TMEM64: variants seen among roughly 807,000 people sequenced by gnomAD.
The protein encoded by TMEM64 is transmembrane protein 64.
TMEM64 carries 19 observed loss-of-function variants against 24.5 expected under a neutral mutation model. The ratio of observed to expected loss-of-function variants is 0.78; its 90% CI spans 0.54 to 1.14. TMEM64 has a LOEUF of 1.14. Among genes scored for constraint, TMEM64 ranks in the 50% most tolerant of loss-of-function variants. TMEM64 has a pLI of 0.00. For synonymous variants in TMEM64, 262 were observed against 224.7 expected, an observed-to-expected ratio of 1.17 and a Z score of -1.49; for missense variants, 487 against 493.0, an observed-to-expected ratio of 0.99 and a Z score of 0.12.
At chr8:90,640,703 A>G (rs1238667842) in intron 1 of TMEM64, among the ~76,000 whole-genome samples, 1 of 152,242 alleles carries the variant, frequency 6.6e-6, no homozygotes. Flanking sequence ...AAAGTAATTT[A>G]TCTTCTTGAT....
intron 2 of TMEM64, among the ~76,000 whole-genome samples, chr8:90,626,621 T>TTTC (rs1358235123): frequency 7.4e-6 from 1 of 134,588 alleles, no homozygotes; most frequent in Admixed American, 7.8e-5. Flanking sequence ...TGTACTTTTT[T>TTTC]TTTCTTTCTT....
intron 1 of TMEM64, among the ~76,000 whole-genome samples, chr8:90,635,420 C>T (rs1809504385): frequency 7.0e-6 from 1 of 143,194 alleles, no homozygotes; most frequent in Admixed American, 6.7e-5. Flanking sequence ...TTGAGACGGA[C>T]TCTTCGCTGT....
intron 1 of TMEM64, among the ~76,000 whole-genome samples, chr8:90,643,443 T>C (rs1470419897): frequency 6.6e-6 from 1 of 152,206 alleles, no homozygotes; most frequent in African/African-American, 2.4e-5. Context: ...CACTAGATTC[T>C]AAGCAGACAG....
Position 90,645,756 on chromosome 8 carries a change from GC to G in TMEM64, c.149del (p.Gly50AlafsTer57). On this transcript the variant is annotated frameshift_variant, in exon 1 of 3. Transcript: ENST00000458549. LOFTEE classifies it high-confidence loss of function. This position sits in a 1 kb window ranked among gnomAD's most constrained non-coding sequence, Gnocchi z 4.2. ...CTGCTGCCGCCGCCGCGCTCGCCCC[GC>G]CCCCGCGGGGAAGGCGGTCCGCCGG... is the stretch of plus-strand genomic sequence containing the variant. ...DGPADRLPRG[G>X]GASAAAAAAA... The G allele has an allele frequency of 9.4e-7, 1 of 1,065,984 alleles. No homozygotes were observed. The highest frequency in any genetic ancestry group is 1.1e-6 in the Non-Finnish European group (1 of 884,508). The allele number at this position is 1,065,984 out of a possible 1,614,324, so 66.0% of individuals were successfully genotyped here.
chr8:90,641,492 C>T lies in TMEM64; in HGVS notation c.795+3619G>A, dbSNP rs76458396. Among the ~76,000 whole-genome samples, 1,082 of 152,276 alleles carry T rather than the reference C, an allele frequency of 7.1e-3. 8 individuals carry two copies. Among genetic ancestry groups the T allele is most frequent in the Non-Finnish European group, 0.012 (836 of 68,020 alleles). ...GATACCTAAGTCAACTGTATAGAAC[C>T]TTACCCAGTCCTCCATAATGTCTGA... On this transcript the variant is annotated intron_variant, in intron 1 of 2. Transcript: ENST00000458549.
intron 1 of TMEM64, among the ~76,000 whole-genome samples, chr8:90,641,719 A>G (rs1809607146): frequency 1.3e-5 from 2 of 152,370 alleles, no homozygotes; most frequent in African/African-American, 2.4e-5. Context: ...TGAAATGAAC[A>G]GTAAATAAGT....
intron 1 of TMEM64, among the ~76,000 whole-genome samples, chr8:90,638,460 C>T (rs375343335): frequency 2.3e-4 from 35 of 152,278 alleles, no homozygotes; most frequent in South Asian, 4.1e-4. Context: ...TTGTTAAGTG[C>T]TTTCAAGTGC....
chr8:90,645,631 G>A lies in TMEM64; in HGVS notation c.275C>T (p.Pro92Leu). 2 of 1,534,154 alleles carry A rather than the reference G, an allele frequency of 1.3e-6. No homozygotes were observed. Among genetic ancestry groups the A allele is most frequent in the East Asian group, 2.5e-5 (1 of 40,788 alleles). Residue 92 changes from proline (P) to leucine (L), a missense_variant, in exon 1 of 3, where the codon CCC (proline) becomes CTC (leucine). By Grantham distance (98) the Pro-to-Leu change is moderately conservative (BLOSUM62 -3). Around this residue, in one of 3 missense-constraint regions of TMEM64, gnomAD observed 419 missense variants for 407.5 expected, o/e 1.03. Transcript: ENST00000458549. This position sits in a 1 kb window ranked among gnomAD's most constrained non-coding sequence, Gnocchi z 4.2. The part of the protein sequence containing the change: ...PEPGGALAGG[P>L]GSGGGGVVVG... The stretch of plus-strand genomic sequence containing the variant: ...CACCACGCCGCCGCCGCCACTCCCG[G>A]GGCCGCCCGCCAAGGCCCCGCCCGG...
At chr8:90,640,715 G>A (rs1809591481) in intron 1 of TMEM64, among the ~76,000 whole-genome samples, 1 of 152,148 alleles carries the variant, frequency 6.6e-6, no homozygotes, top group South Asian at 2.1e-4. Flanking sequence ...CTTCTTGATA[G>A]CTCAATGCAA....
At chr8:90,643,168 A>G (rs572189819) in intron 1 of TMEM64, among the ~76,000 whole-genome samples, 1 of 152,346 alleles carries the variant, frequency 6.6e-6, no homozygotes, top group East Asian at 1.9e-4. Flanking sequence ...ATATATATTC[A>G]AGAAATAAAG....
chr8:90,645,112 GA>G lies in TMEM64; in HGVS notation c.793del (p.Ser265ArgfsTer11). The G allele has an allele frequency of 6.2e-7, 1 of 1,601,384 alleles. No individual in the cohort carries two copies. The highest frequency in any genetic ancestry group is 8.5e-7 in the Non-Finnish European group (1 of 1,170,528). On this transcript the variant is annotated frameshift_variant and splice_region_variant, in exon 1 of 3. Transcript: ENST00000458549. LOFTEE classifies it high-confidence loss of function. The surrounding 1 kb of genome is among the most constrained non-coding windows in gnomAD (Gnocchi z 4.2). ...ATAGGCCAGCGGGACCCCACTTACC[GA>G]AAACACTGCATTCTGAAGCCCAAAA... is the stretch of plus-strand genomic sequence containing the variant. The part of the protein sequence containing the change: ...IPFGLQNAVF[S>X]ITDLSLPNYL...
chr8:90,645,769 A>AGGCGGTCCGCCG lies in TMEM64; in HGVS notation c.125_136dup (p.Pro42_Arg45dup). The AGGCGGTCCGCCG allele has an allele frequency of 9.7e-7, 1 of 1,032,630 alleles. No homozygotes were observed. The highest frequency in any genetic ancestry group is 1.2e-6 in the Non-Finnish European group (1 of 863,032). 64.0% of individuals were successfully genotyped at this position (1,032,630 alleles called of 1,614,324 possible). On this transcript the variant is annotated inframe_insertion, in exon 1 of 3. Coordinates refer to ENST00000458549, the MANE Select transcript of TMEM64 (RefSeq NM_001008495.4). This position sits in a 1 kb window ranked among gnomAD's most constrained non-coding sequence, Gnocchi z 4.2. ...CGCGCTCGCCCCGCCCCCGCGGGGA[A>AGGCGGTCCGCCG]GGCGGTCCGCCGGGCCGTCCCCGCC...
rs1339989226 is a variant in TMEM64, at chr8:90,645,678, G to C, written c.228C>G (p.Pro76=). ...CCGGCTCCGGCAGCTCCGAAGCCTCGGGCGGACCGTGGCGCTCCAGATAGG... is the reference window on the plus strand; with the variant it reads ...CCGGCTCCGGCAGCTCCGAAGCCTCCGGCGGACCGTGGCGCTCCAGATAGG... ...LGAYLERHGP[P]EASELPEPGG... is the part of the protein sequence containing the mutation. Residue 76 remains proline, a synonymous_variant, in exon 1 of 3, where the codon CCC becomes CCG. Transcript: ENST00000458549. This position sits in a 1 kb window ranked among gnomAD's most constrained non-coding sequence, Gnocchi z 4.2. 5 of 1,495,556 alleles carry C rather than the reference G, an allele frequency of 3.3e-6. No individual in the cohort carries two copies. Among genetic ancestry groups the C allele is most frequent in the Admixed American group, 2.3e-5 (1 of 44,420 alleles). 92.6% of individuals were successfully genotyped at this position (1,495,556 alleles called of 1,614,324 possible). A position where few individuals can be genotyped will look rare whatever the true frequency, so the allele number is the denominator to read the frequency against.
Position 90,625,739 on chromosome 8 carries a change from T to C in TMEM64, c.1075A>G (p.Thr359Ala). 1 of 1,613,952 alleles carries C rather than the reference T, an allele frequency of 6.2e-7. No homozygotes were observed. The highest frequency in any genetic ancestry group is 8.5e-7 in the Non-Finnish European group (1 of 1,179,938). ...TTGTTGTAGAATGAAGAGCCACTGG[T>C]ATTTGGTTGATTGCCTTTAACCAGA... is the stretch of plus-strand genomic sequence containing the variant. The part of the protein sequence containing the change: ...SSLVKGNQPN[T>A]SGSSFYNKRT... The change falls in exon 3 of 3, where the codon ACC (threonine) becomes GCC (alanine). Residue 359 changes from threonine to alanine, a missense_variant. By Grantham distance (58) the Thr-to-Ala change is moderately conservative (BLOSUM62 0). Around this residue, in one of 3 missense-constraint regions of TMEM64, gnomAD observed 58 missense variants for 58.2 expected, o/e 1.00. Coordinates refer to ENST00000458549, the MANE Select transcript of TMEM64 (RefSeq NM_001008495.4).
intron 1 of TMEM64, among the ~76,000 whole-genome samples, chr8:90,640,045 G>A (rs1028604566): frequency 2.6e-5 from 4 of 152,130 alleles, no homozygotes; most frequent in Non-Finnish European, 5.9e-5. Flanking sequence ...GGAAATAAAG[G>A]TCAACTGCAT....
At chr8:90,639,699 T>C (rs1310934021) in intron 1 of TMEM64, among the ~76,000 whole-genome samples, 1 of 152,166 alleles carries the variant, frequency 6.6e-6, no homozygotes, top group African/African-American at 2.4e-5. Flanking sequence ...ATTAACTCAA[T>C]ATTATATTAA....
chr8:90,634,848 T>G (rs1373289795), intron 1 of TMEM64, among the ~76,000 whole-genome samples: 1 of 152,208 alleles, frequency 6.6e-6, no homozygotes, highest in Non-Finnish European at 1.5e-5. Context: ...TAAAATCTGA[T>G]ACTTTAATCA....
chr8:90,639,350 A>G lies in TMEM64; in HGVS notation c.795+5761T>C, dbSNP rs76076738. On this transcript the variant is annotated intron_variant, in intron 1 of 2. Transcript: ENST00000458549. ...GGGAGAGGTCACCAATTTATTTGAG[A>G]ATCTGGTGTAACCCCCCTTCCACCC... is the stretch of plus-strand genomic sequence containing the variant. Among the ~76,000 whole-genome samples, 465 of 152,212 alleles carry G rather than the reference A, an allele frequency of 3.1e-3. 20 individuals carry two copies. The East Asian group carries it at 0.076, about 25-fold the overall frequency.
intron 1 of TMEM64, among the ~76,000 whole-genome samples, chr8:90,633,031 G>C (rs7839542): frequency 6.6e-6 from 1 of 152,126 alleles, no homozygotes; most frequent in African/African-American, 2.4e-5. Flanking sequence ...CTCTGTGGTA[G>C]GCAACATCTA....
Sources: allele counts gnomAD v4.1 joint callset (sites outside exome capture counted in the v4.1 genomes callset), GRCh38; gene constraint gnomAD v4.1.1; regional missense constraint gnomAD v4.1.1; non-coding constraint Gnocchi (gnomAD v3.1); transcripts MANE v1.5; gene names NCBI Gene and HGNC (gene_info 2026-07-23, HGNC 2026-07-21).